Variants in EMC2 observed in about 807,000 individuals in gnomAD.
EMC2 encodes the protein TPR repeat protein 35.
A neutral mutation model predicts 51.6 loss-of-function variants in EMC2; 37 were observed. The ratio of observed to expected loss-of-function variants is 0.72; its 90% CI spans 0.55 to 0.94. EMC2 has a LOEUF of 0.94. Among genes scored for constraint, EMC2 ranks in the 40% least tolerant of loss-of-function variants. The probability of loss-of-function intolerance (pLI) is 0.00; values close to 1 mark genes in which losing one functional copy is unlikely to be tolerated. For synonymous variants in EMC2, 131 were observed against 112.4 expected, an observed-to-expected ratio of 1.17 and a Z score of -1.04; for missense variants, 359 against 350.9, an observed-to-expected ratio of 1.02 and a Z score of -0.18.
At chr8:108,480,370 A>G (rs1811024343) in intron 10 of EMC2, among the ~76,000 whole-genome samples, 1 of 151,960 alleles carries the variant, frequency 6.6e-6, no homozygotes, top group African/African-American at 2.4e-5. Flanking sequence ...GGAGTTGGAG[A>G]TAGGTTAGGG....
intron 1 of EMC2, among the ~76,000 whole-genome samples, chr8:108,447,063 C>T (rs1818893817): frequency 6.6e-6 from 1 of 152,030 alleles, no homozygotes; most frequent in Non-Finnish European, 1.5e-5. Flanking sequence ...ATAAGAAACA[C>T]CTTTTACAAA....
In EMC2 at chr8:108,487,858, C is replaced by T. The variant is rs1388074481; in HGVS notation, c.*1260C>T. Among the ~76,000 whole-genome samples, 1 of 152,020 alleles carries T rather than the reference C, an allele frequency of 6.6e-6. No homozygotes were observed. The highest frequency in any genetic ancestry group is 1.5e-5 in the Non-Finnish European group (1 of 68,022). On this transcript the variant is annotated 3_prime_UTR_variant, in exon 11 of 11. Coordinates refer to ENST00000220853, the MANE Select transcript of EMC2 (RefSeq NM_014673.5). Reference sequence around the variant, plus strand: ...CAGTCATTTTCGTTTTATTCTGCCACGAGTAATAGGCAGCTGATTAATATA... The same window carrying T: ...CAGTCATTTTCGTTTTATTCTGCCATGAGTAATAGGCAGCTGATTAATATA...
chr8:108,466,554 G>GCGATCTCC (rs1819472904), intron 5 of EMC2, among the ~76,000 whole-genome samples: 1 of 147,412 alleles, frequency 6.8e-6, no homozygotes, highest in Non-Finnish European at 1.5e-5. Flanking sequence ...CTGGGCTCAA[G>GCGATCTCC]CGATCTCCCA....
intron 1 of EMC2, among the ~76,000 whole-genome samples, chr8:108,449,521 C>T (rs1439540912): frequency 6.6e-6 from 1 of 152,190 alleles, no homozygotes; most frequent in Non-Finnish European, 1.5e-5. Context: ...ATTGTCCTAC[C>T]TTGGGCTCCC....
chr8:108,448,717 C>A (rs763908523), intron 1 of EMC2, among the ~76,000 whole-genome samples: 1 of 152,168 alleles, frequency 6.6e-6, no homozygotes, highest in East Asian at 1.9e-4. Context: ...AGTGGGAAAA[C>A]GGACTAATAC....
rs150326743 is a variant in EMC2 at position 108,448,670 on chromosome 8, T to C, written c.41-1153T>C. 4.2e-3 allele frequency among the ~76,000 whole-genome samples: 638 copies of C among 152,256 alleles called. 5 individuals are homozygous for C. Among genetic ancestry groups the C allele is most frequent in the African/African-American group, 0.014 (590 of 41,564 alleles). On this transcript the variant is annotated intron_variant, in intron 1 of 10. Coordinates refer to ENST00000220853, the MANE Select transcript of EMC2 (RefSeq NM_014673.5). ...GCAAGTCCAGTTAAACCTCTTTCTT[T>C]TGTAAATTGCCCAGTCTCGGGTACG...
At chr8:108,461,146 GTC>G (rs1180962537) in intron 5 of EMC2, among the ~76,000 whole-genome samples, 2 of 152,218 alleles carry the variant, frequency 1.3e-5, no homozygotes, top group Non-Finnish European at 2.9e-5. Flanking sequence ...AGGCGGGAAA[GTC>G]TAGTTTTATT....
Position 108,487,032 on chromosome 8 carries a change from C to T in EMC2, c.*434C>T, listed in dbSNP as rs115404194. ...CAAAGTCACAGCATATGTAGCTGAC[C>T]GAAGCAGATTATTTTGACTTTGTTT... On this transcript the variant is annotated 3_prime_UTR_variant, in exon 11 of 11. Coordinates refer to ENST00000220853, the MANE Select transcript of EMC2 (RefSeq NM_014673.5). The T allele has an allele frequency of 7.5e-3, 1,144 of 152,614 alleles. 12 individuals carry two copies. Among genetic ancestry groups the T allele is most frequent in the African/African-American group, 0.026 (1,090 of 41,548 alleles). 9.5% of individuals were successfully genotyped at this position (152,614 alleles called of 1,614,324 possible). A position where few individuals can be genotyped will look rare whatever the true frequency, so the allele number is the denominator to read the frequency against.
Position 108,451,017 on chromosome 8 carries a change from C to T in EMC2, c.219+525C>T, listed in dbSNP as rs572785234. On this transcript the variant is annotated intron_variant, in intron 3 of 10. Transcript: ENST00000220853. ...AGGAGTTCGAGACCAGCCTGGCCAA[C>T]GTGGTGAAACCCCGTCTCTAGTAAA... is the stretch of plus-strand genomic sequence containing the variant. 1.0e-3 allele frequency among the ~76,000 whole-genome samples: 157 copies of T among 152,214 alleles called. 2 individuals carry two copies. The highest frequency in any genetic ancestry group is 1.8e-3 in the Non-Finnish European group (121 of 68,000).
In EMC2 at chr8:108,450,473, G is replaced by A; in HGVS notation, c.200G>A (p.Gly67Asp). 1 of 1,596,172 alleles carries A rather than the reference G, an allele frequency of 6.3e-7. No homozygotes were observed. Among genetic ancestry groups the A allele is most frequent in the African/African-American group, 1.3e-5 (1 of 74,576 alleles). ...EQVMIAALDY[G>D]RDDLALFCLQ... ...GTGATGATTGCAGCACTAGACTATG[G>A]TCGGGATGACTTGGCATTGGTAGGT... The change falls in exon 3 of 11, where the codon GGT becomes GAT. Residue 67 changes from glycine to aspartate, a missense_variant. Physicochemically the swap from Gly to Asp is moderately conservative, Grantham distance 94 (BLOSUM62 -1). Coordinates refer to ENST00000220853, the MANE Select transcript of EMC2 (RefSeq NM_014673.5).
chr8:108,463,674 C>G (rs1819388665), intron 5 of EMC2, among the ~76,000 whole-genome samples: 1 of 151,830 alleles, frequency 6.6e-6, no homozygotes, highest in African/African-American at 2.4e-5. Flanking sequence ...TTCCTCTGTG[C>G]CAAGGGTAAA....
chr8:108,456,022 CT>C, intron 5 of EMC2, 92 bp downstream of exon 5: 1 of 405,682 alleles, frequency 2.5e-6, no homozygotes. Context: ...GGAACTAGGT[CT>C]TATATTTTTA....
intron 5 of EMC2, among the ~76,000 whole-genome samples, chr8:108,462,771 C>T (rs995591624): frequency 6.6e-6 from 1 of 151,528 alleles, no homozygotes; most frequent in African/African-American, 2.4e-5. Flanking sequence ...GAGTCTCGCT[C>T]TGTCTCCCAG....
intron 10 of EMC2, among the ~76,000 whole-genome samples, chr8:108,480,073 A>G (rs764783439): frequency 5.3e-5 from 8 of 152,152 alleles, no homozygotes; most frequent in Non-Finnish European, 1.0e-4. Context: ...AGTTTTCCCA[A>G]ATACACAGTA....
At chr8:108,476,692 C>T (rs908430808) in intron 8 of EMC2, 90 bp from the exon 9 acceptor site, 27 of 634,692 alleles carry the variant, frequency 4.3e-5, no homozygotes, top group South Asian at 3.6e-4. Flanking sequence ...ATATCTGTTT[C>T]GATTACTGAA....
chr8:108,476,418 A>C (rs17343679), intron 8 of EMC2, among the ~76,000 whole-genome samples: 3,520 of 152,060 alleles, frequency 0.023, 56 homozygotes, highest in South Asian at 0.046. Context: ...TGCAGATTAT[A>C]AAAGGACAAT....
At chr8:108,460,336 CT>C (rs1819287474) in intron 5 of EMC2, among the ~76,000 whole-genome samples, 1 of 152,096 alleles carries the variant, frequency 6.6e-6, no homozygotes. Flanking sequence ...TATTTTATGG[CT>C]TTTTGTGACT....
At position 108,445,929 on chromosome 8, in the gene EMC2, A is replaced by G. The variant is rs1334334097; in HGVS notation, c.40+2231A>G. ...TAGTATCTTAGATACAGGTTTTAGTATCATTCTTCTCTTAGCTTGAAAATG... is the reference window on the plus strand; with the variant it reads ...TAGTATCTTAGATACAGGTTTTAGTGTCATTCTTCTCTTAGCTTGAAAATG... On this transcript the variant is annotated intron_variant, in intron 1 of 10. Coordinates refer to ENST00000220853, the MANE Select transcript of EMC2 (RefSeq NM_014673.5). Among the ~76,000 whole-genome samples the G allele has an allele frequency of 5.3e-5, 8 of 152,208 alleles. No individual in the cohort carries two copies. In the East Asian group the frequency reaches 1.2e-3, roughly 22 times the overall value.
At chr8:108,476,955 ATCC>A in intron 9 of EMC2, 63 bp downstream of exon 9, 1 of 769,312 alleles carries the variant, frequency 1.3e-6, no homozygotes, top group Non-Finnish European at 2.3e-6. Flanking sequence ...CCATTTAACT[ATCC>A]CCTTCAATCA....
Sources: gnomAD v4.1 joint callset for allele counts (sites outside exome capture counted in the v4.1 genomes callset) on GRCh38, gnomAD v4.1.1 for gene constraint, MANE v1.5 for transcripts, NCBI Gene and HGNC (gene_info 2026-07-23, HGNC 2026-07-21) for gene names.